The following TRPM3 variants were observed in gnomAD, a reference collection of about 807,000 sequenced individuals.
TRPM3 encodes the protein transient receptor potential cation channel subfamily M member 3, also known as long transient receptor potential channel 3.
In TRPM3, 77 loss-of-function variants were observed where a neutral mutation model predicts 181.2. That is an observed-to-expected ratio of 0.42 (90% CI 0.35 to 0.51). The LOEUF is 0.51. TRPM3 is among the 20% of genes least tolerant of loss of function. The pLI is 0.01. For synonymous variants in TRPM3, 745 were observed against 796.4 expected (o/e 0.94, Z 1.09); for missense variants, 1,759 against 2,196.7 (o/e 0.80, Z 3.98).
intron 1 of TRPM3, among the ~76,000 whole-genome samples, chr9:71,426,230 A>G (rs1292250414): frequency 6.6e-6 from 1 of 152,016 alleles, no homozygotes; most frequent in Non-Finnish European, 1.5e-5. Flanking sequence ...CTTTATAAGA[A>G]TTTGCAAAAT....
At chr9:70,686,836 TC>T (rs67870730) in intron 8 of TRPM3, among the ~76,000 whole-genome samples, 15,531 of 82,112 alleles carry the variant, frequency 0.19, 3,503 homozygotes, top group East Asian at 0.36. Flanking sequence ...TTTTTTTTTT[TC>T]TTTTTTGAGA....
chr9:71,032,044 A>AT (rs1565023633), intron 1 of TRPM3, among the ~76,000 whole-genome samples: 382 of 2,932 alleles, frequency 0.13, 33 homozygotes, highest in East Asian at 0.59. Context: ...ATATATATAT[A>AT]TATATTATAT....
intron 7 of TRPM3, among the ~76,000 whole-genome samples, chr9:70,770,337 A>G (rs1180202518): frequency 6.6e-6 from 1 of 152,190 alleles, no homozygotes; most frequent in African/African-American, 2.4e-5. Flanking sequence ...CATCTCCCCC[A>G]TAATGCTTAG....
chr9:71,172,155 C>G (rs1421525641), intron 1 of TRPM3, among the ~76,000 whole-genome samples: 1 of 151,962 alleles, frequency 6.6e-6, no homozygotes, highest in Non-Finnish European at 1.5e-5. Context: ...CCCGCTTCAG[C>G]CTCCCCTAAG....
intron 1 of TRPM3, among the ~76,000 whole-genome samples, chr9:71,187,930 GAT>G (rs2077778874): frequency 1.1e-5 from 1 of 89,646 alleles, no homozygotes; most frequent in Non-Finnish European, 2.5e-5. Context: ...TAGATAGATA[GAT>G]AGATAGATAG....
chr9:70,558,529 G>C lies in TRPM3; in HGVS notation c.3224-5219C>G, dbSNP rs536010740. ...ATTGCCAGGAGCCAGAGGCCATGCTGCTCCCCTTCTTCCCCAAAGTATAAA... is the reference window on the plus strand; with the variant it reads ...ATTGCCAGGAGCCAGAGGCCATGCTCCTCCCCTTCTTCCCCAAAGTATAAA... On this transcript the variant is annotated intron_variant, in intron 22 of 25. Coordinates refer to ENST00000677713, the MANE Select transcript of TRPM3 (RefSeq NM_001366145.2). Among the ~76,000 whole-genome samples, 3 of 152,280 alleles carry C rather than the reference G, an allele frequency of 2.0e-5. No individual in the cohort carries two copies. The East Asian group carries it at 5.8e-4, about 29-fold the overall frequency.
chr9:71,063,187 C>G (rs1337279403), intron 1 of TRPM3, among the ~76,000 whole-genome samples: 1 of 152,102 alleles, frequency 6.6e-6, no homozygotes, highest in Non-Finnish European at 1.5e-5. Context: ...ACAGCACTCA[C>G]CTTCCTCCCA....
In TRPM3 at chr9:70,631,380, T is replaced by A. The variant is rs533091438; in HGVS notation, c.1632+3831A>T. On this transcript the variant is annotated intron_variant, in intron 12 of 25. Coordinates refer to ENST00000677713, the MANE Select transcript of TRPM3 (RefSeq NM_001366145.2). ...AAATGCCTTTTTTTTTTTTTTTTTT[T>A]ATTCTGAAAAGCTCTGGGTCTTAAT... 1.9e-3 allele frequency among the ~76,000 whole-genome samples: 238 copies of A among 124,090 alleles called. 2 individuals carry two copies. Among genetic ancestry groups the A allele is most frequent in the Admixed American group, 3.7e-3 (46 of 12,466 alleles). The allele number at this position is 124,090 out of a possible 152,430, so 81.4% of individuals were successfully genotyped here. A position where few individuals can be genotyped will look rare whatever the true frequency, so the allele number is the denominator to read the frequency against.
intron 1 of TRPM3, among the ~76,000 whole-genome samples, chr9:71,046,288 T>C (rs1467921318): frequency 6.6e-6 from 1 of 152,166 alleles, no homozygotes; most frequent in African/African-American, 2.4e-5. Flanking sequence ...CCTGGCCTTT[T>C]CTACACTTTT....
intron 1 of TRPM3, among the ~76,000 whole-genome samples, chr9:71,172,937 C>G (rs555556573): frequency 2.6e-4 from 39 of 152,246 alleles, no homozygotes; most frequent in African/African-American, 9.1e-4. Flanking sequence ...CATCTTGTAA[C>G]TGGTGAAGTA....
At chr9:70,594,794 T>C (rs777410195) in intron 21 of TRPM3, among the ~76,000 whole-genome samples, 1 of 152,182 alleles carries the variant, frequency 6.6e-6, no homozygotes, top group Non-Finnish European at 1.5e-5. Flanking sequence ...CTTGGCTGTT[T>C]TGTGCTTAAT....
intron 1 of TRPM3, among the ~76,000 whole-genome samples, chr9:71,109,047 G>A (rs534147101): frequency 7.2e-4 from 94 of 131,068 alleles, no homozygotes; most frequent in African/African-American, 1.7e-3. Flanking sequence ...CACCTCCTCC[G>A]AGCAAGAAGG....
intron 1 of TRPM3, among the ~76,000 whole-genome samples, chr9:71,078,764 T>G (rs1032330113): frequency 1.3e-5 from 2 of 152,220 alleles, no homozygotes; most frequent in African/African-American, 4.8e-5. Flanking sequence ...AAATTTAGAC[T>G]ATGTGCCTAG....
At chr9:71,252,652 C>A (rs548981022) in intron 1 of TRPM3, among the ~76,000 whole-genome samples, 1 of 152,084 alleles carries the variant, frequency 6.6e-6, no homozygotes, top group East Asian at 1.9e-4. Context: ...TGCTATGGAA[C>A]TTTCAAAAAT....
chr9:71,324,513 T>C (rs539402872), intron 1 of TRPM3, among the ~76,000 whole-genome samples: 1 of 151,984 alleles, frequency 6.6e-6, no homozygotes, highest in East Asian at 1.9e-4. Flanking sequence ...TATACACTGT[T>C]GATGGGAATG....
At chr9:71,445,395 T>A (rs1303237428) in intron 1 of TRPM3, among the ~76,000 whole-genome samples, 1 of 152,222 alleles carries the variant, frequency 6.6e-6, no homozygotes. Flanking sequence ...AGTACACATT[T>A]CTAAACAATA....
intron 16 of TRPM3, 42 bp from the exon 17 acceptor site, chr9:70,619,137 G>T: frequency 6.4e-7 from 1 of 1,559,650 alleles, no homozygotes; most frequent in Non-Finnish European, 8.7e-7. Flanking sequence ...AGGTCAGCTT[G>T]GAGACTTATA....
chr9:71,399,526 G>GTTTTTTTTTTTTTT (rs1166936123), intron 1 of TRPM3, among the ~76,000 whole-genome samples: 1 of 62,684 alleles, frequency 1.6e-5, no homozygotes, highest in African/African-American at 4.5e-5. Context: ...ATTTTCTTTT[G>GTTTTTTTTTTTTTT]TTTTTTTTTT....
chr9:70,999,051 G>A (rs1024971007), intron 1 of TRPM3, among the ~76,000 whole-genome samples: 2 of 151,996 alleles, frequency 1.3e-5, no homozygotes, highest in Non-Finnish European at 2.9e-5. Context: ...AAGCTCCTTG[G>A]TTCCTTTCAA....
Sources: allele counts gnomAD v4.1 joint callset (sites outside exome capture counted in the v4.1 genomes callset), GRCh38; gene constraint gnomAD v4.1.1; transcripts MANE v1.5; gene names NCBI Gene and HGNC (gene_info 2026-07-23, HGNC 2026-07-21).